RUNX1: variants seen among roughly 807,000 people sequenced by gnomAD.
RUNX1 encodes runt-related transcription factor 1.
A neutral mutation model predicts 42.8 loss-of-function variants in RUNX1; 19 were observed. That is an observed-to-expected ratio of 0.44 (90% CI 0.31 to 0.65). The LOEUF (loss-of-function observed/expected upper bound fraction) is 0.65. RUNX1 is among the 30% of genes least tolerant of loss of function. The pLI, the probability that RUNX1 is intolerant of heterozygous loss-of-function variation, is 0.07. For missense variants in RUNX1, 528 were observed against 672.0 expected, an observed-to-expected ratio of 0.79 and a Z score of 2.37; for synonymous variants, 271 against 289.4, an observed-to-expected ratio of 0.94 and a Z score of 0.64.
At chr21:34,969,999 A>G (rs2058751039) in intron 2 of RUNX1, among the ~76,000 whole-genome samples, 1 of 152,190 alleles carries the variant, frequency 6.6e-6, no homozygotes, top group Admixed American at 6.5e-5. Context: ...CATAGATGTG[A>G]AGGGCTGGAT....
chr21:34,996,443 T>C (rs1306667569), intron 2 of RUNX1, among the ~76,000 whole-genome samples: 1 of 152,160 alleles, frequency 6.6e-6, no homozygotes, highest in Admixed American at 6.6e-5. Context: ...GACGTCCTCC[T>C]GGGTTCCTGC....
At chr21:34,882,712 C>A (rs998685457) in intron 4 of RUNX1, among the ~76,000 whole-genome samples, 1 of 150,288 alleles carries the variant, frequency 6.7e-6, no homozygotes, top group African/African-American at 2.4e-5. Context: ...TTTCTATTCC[C>A]GAAAAATGGG....
At chr21:34,992,024 C>T (rs2058947370) in intron 2 of RUNX1, among the ~76,000 whole-genome samples, 1 of 152,234 alleles carries the variant, frequency 6.6e-6, no homozygotes, top group South Asian at 2.1e-4. Flanking sequence ...GGCCTGCCAA[C>T]ACCTTGATTT....
In RUNX1 at chr21:34,843,545, C is replaced by A. The variant is rs775170887; in HGVS notation, c.614-8944G>T. Among the ~76,000 whole-genome samples the A allele has an allele frequency of 1.3e-5, 2 of 152,114 alleles. No individual in the cohort carries two copies. Among genetic ancestry groups the A allele is most frequent in the African/African-American group, 4.8e-5 (2 of 41,426 alleles). On this transcript the variant is annotated intron_variant, in intron 6 of 8. Coordinates refer to ENST00000675419, the MANE Select transcript of RUNX1 (RefSeq NM_001754.5). This position sits in a 1 kb window ranked among gnomAD's most constrained non-coding sequence, Gnocchi z 4.8. ...TCACACACACACACCGTTCTGTGAT[C>A]GCCCTCAGGACATGGGCCAAGACAA...
Position 34,789,400 on chromosome 21 carries a change from CA to C in RUNX1, c.*2734del, listed in dbSNP as rs1366325738. ...AAAAGAAAGAACTGAAATATGTATC[CA>C]TGTTGAAATCATAAATAGGGACATG... is the stretch of plus-strand genomic sequence containing the variant. On this transcript the variant is annotated 3_prime_UTR_variant, in exon 9 of 9. Transcript: ENST00000675419. 1 of 233,606 alleles carries C rather than the reference CA, an allele frequency of 4.3e-6. No homozygotes were observed. The highest frequency in any genetic ancestry group is 8.5e-6 in the Non-Finnish European group (1 of 118,066). 14.5% of individuals were successfully genotyped at this position (233,606 alleles called of 1,614,324 possible).
intron 7 of RUNX1, among the ~76,000 whole-genome samples, chr21:34,811,673 C>G (rs568078017): frequency 6.6e-6 from 1 of 152,166 alleles, no homozygotes; most frequent in Non-Finnish European, 1.5e-5. Flanking sequence ...TTTATTCCCC[C>G]CTCTGATATG....
chr21:34,934,022 T>C (rs1601586921), intron 2 of RUNX1, among the ~76,000 whole-genome samples: 1 of 152,168 alleles, frequency 6.6e-6, no homozygotes, highest in Non-Finnish European at 1.5e-5. Flanking sequence ...GGGTGAACTT[T>C]TGATCAATGA....
At chr21:34,995,982 C>G (rs769874948) in intron 2 of RUNX1, among the ~76,000 whole-genome samples, 1 of 152,192 alleles carries the variant, frequency 6.6e-6, no homozygotes, top group South Asian at 2.1e-4. Flanking sequence ...GCCCCCACCA[C>G]ACATTCAGCA....
chr21:34,856,755 T>C (rs1391976667), intron 6 of RUNX1, among the ~76,000 whole-genome samples: 1 of 152,216 alleles, frequency 6.6e-6, no homozygotes, highest in Non-Finnish European at 1.5e-5. Flanking sequence ...ACCTTGGCAA[T>C]GCCAGGGCCA....
At chr21:34,983,557 T>G (rs998256502) in intron 2 of RUNX1, among the ~76,000 whole-genome samples, 5 of 152,222 alleles carry the variant, frequency 3.3e-5, no homozygotes, top group Non-Finnish European at 7.3e-5. Flanking sequence ...TTTACTGTCT[T>G]ATCTAAGACA....
intron 2 of RUNX1, among the ~76,000 whole-genome samples, chr21:34,951,619 T>G (rs976230324): frequency 6.6e-6 from 1 of 152,082 alleles, no homozygotes; most frequent in African/African-American, 2.4e-5. Flanking sequence ...AACAGACATA[T>G]GAAAAAATGC....
chr21:35,016,712 A>G (rs189613691), intron 2 of RUNX1, among the ~76,000 whole-genome samples: 8 of 152,232 alleles, frequency 5.3e-5, no homozygotes, highest in African/African-American at 1.9e-4. Context: ...GGGTCCAGGT[A>G]TAAAGGGACC....
intron 2 of RUNX1, among the ~76,000 whole-genome samples, chr21:35,000,450 C>T (rs548506851): frequency 9.9e-5 from 15 of 152,154 alleles, no homozygotes; most frequent in African/African-American, 3.1e-4. Flanking sequence ...CCGTGTTAGC[C>T]AGGATGGTCT....
chr21:34,890,686 T>C (rs1485703716), intron 3 of RUNX1, among the ~76,000 whole-genome samples: 2 of 152,156 alleles, frequency 1.3e-5, no homozygotes, highest in Non-Finnish European at 2.9e-5. Context: ...ACATTTTTCT[T>C]TTAAAATGAT....
At chr21:34,838,622 T>A (rs2057184642) in intron 6 of RUNX1, among the ~76,000 whole-genome samples, 1 of 152,232 alleles carries the variant, frequency 6.6e-6, no homozygotes, top group Non-Finnish European at 1.5e-5. Context: ...TACATGAATC[T>A]GGATATAAAA....
At chr21:34,939,186 A>C (rs966579593) in intron 2 of RUNX1, among the ~76,000 whole-genome samples, 2 of 152,240 alleles carry the variant, frequency 1.3e-5, no homozygotes, top group Non-Finnish European at 1.5e-5. Flanking sequence ...GATTTTCCAC[A>C]AAAAATTATC....
At chr21:34,989,477 G>A (rs778373692) in intron 2 of RUNX1, among the ~76,000 whole-genome samples, 1 of 152,052 alleles carries the variant, frequency 6.6e-6, no homozygotes, top group South Asian at 2.1e-4. Flanking sequence ...GGAGGTGTGG[G>A]GGAGGAAGTT....
At chr21:34,857,975 A>G (rs1188371698) in intron 6 of RUNX1, among the ~76,000 whole-genome samples, 2 of 152,224 alleles carry the variant, frequency 1.3e-5, no homozygotes, top group African/African-American at 4.8e-5. Flanking sequence ...AGTCTCGATC[A>G]GAAAAAGCTG....
chr21:34,979,554 A>G (rs1437857216), intron 2 of RUNX1, among the ~76,000 whole-genome samples: 2 of 152,184 alleles, frequency 1.3e-5, no homozygotes, highest in Non-Finnish European at 2.9e-5. Context: ...AAACCACCAG[A>G]CTGCTATTTA....
Sources: allele counts gnomAD v4.1 joint callset (sites outside exome capture counted in the v4.1 genomes callset), GRCh38; gene constraint gnomAD v4.1.1; non-coding constraint Gnocchi (gnomAD v3.1); transcripts MANE v1.5; gene names NCBI Gene and HGNC (gene_info 2026-07-23, HGNC 2026-07-21).